Variants in SHC4 observed in about 807,000 individuals in gnomAD.
The protein encoded by SHC4 is SHC-transforming protein 4.
SHC4 carries 41 observed loss-of-function variants against 69.4 expected under a neutral mutation model. The ratio of observed to expected loss-of-function variants is 0.59; its 90% CI spans 0.46 to 0.77. The LOEUF is 0.77. SHC4 is among the 30% of genes least tolerant of loss of function. The pLI is 0.00. For synonymous variants in SHC4, 318 were observed against 299.3 expected, an observed-to-expected ratio of 1.06 and a Z score of -0.64; for missense variants, 777 against 783.8, an observed-to-expected ratio of 0.99 and a Z score of 0.10.
rs773143896 is a variant in SHC4, at chr15:48,843,408, C to T, written c.1483+1G>A. ...AATACAGACAGTGAGTAGCTACTTA[C>T]TTCCGCAGTGCCATGGGCTCCCCAG... is the stretch of plus-strand genomic sequence containing the variant. On this transcript the variant is annotated splice_donor_variant, in intron 10 of 11. Transcript: ENST00000332408. LOFTEE classifies it high-confidence loss of function. The T allele has an allele frequency of 6.2e-7, 1 of 1,605,834 alleles. No homozygotes were observed. The highest frequency in any genetic ancestry group is 2.2e-5 in the East Asian group (1 of 44,668).
chr15:48,859,384 G>A (rs1289225686), intron 6 of SHC4, among the ~76,000 whole-genome samples: 2 of 151,100 alleles, frequency 1.3e-5, no homozygotes, highest in African/African-American at 4.9e-5. Flanking sequence ...CAATGCTAAG[G>A]TATCAAATCT....
intron 4 of SHC4, chr15:48,880,113 G>A (rs1335305471): frequency 6.0e-6 from 1 of 167,094 alleles, no homozygotes; most frequent in Non-Finnish European, 1.5e-5. Flanking sequence ...ATCATGATCA[G>A]TAAAAATGTT....
chr15:48,893,023 A>G (rs1900163008), intron 2 of SHC4, among the ~76,000 whole-genome samples: 1 of 152,246 alleles, frequency 6.6e-6, no homozygotes, highest in African/African-American at 2.4e-5. Flanking sequence ...TTACTTTTAT[A>G]TAGCATCTTG....
chr15:48,876,307 T>G (rs553032060), intron 4 of SHC4, among the ~76,000 whole-genome samples: 74 of 152,200 alleles, frequency 4.9e-4, no homozygotes, highest in Non-Finnish European at 7.4e-5. Flanking sequence ...AGCAGAGATT[T>G]TGAAAGAGAC....
At chr15:48,838,929 T>C (rs1017347583) in intron 10 of SHC4, among the ~76,000 whole-genome samples, 1 of 151,824 alleles carries the variant, frequency 6.6e-6, no homozygotes, top group Non-Finnish European at 1.5e-5. Context: ...AGCCAATATT[T>C]AAAAAATATA....
chr15:48,844,536 T>G (rs1304431599), intron 9 of SHC4, among the ~76,000 whole-genome samples: 2 of 152,204 alleles, frequency 1.3e-5, no homozygotes, highest in African/African-American at 4.8e-5. Context: ...AGATATTAAC[T>G]TAAACATCTC....
intron 2 of SHC4, among the ~76,000 whole-genome samples, chr15:48,894,332 C>G (rs1900186600): frequency 6.6e-6 from 1 of 152,110 alleles, no homozygotes; most frequent in Admixed American, 6.5e-5. Flanking sequence ...ACAAGGTAAA[C>G]AATGTTATGT....
At chr15:48,928,992 C>G (rs1900906047) in intron 1 of SHC4, among the ~76,000 whole-genome samples, 1 of 152,160 alleles carries the variant, frequency 6.6e-6, no homozygotes, top group Admixed American at 6.5e-5. Context: ...AAACATGAGT[C>G]ATGGCCTGAG....
intron 9 of SHC4, among the ~76,000 whole-genome samples, chr15:48,848,173 G>A (rs182959619): frequency 2.0e-5 from 3 of 152,244 alleles, no homozygotes; most frequent in African/African-American, 7.2e-5. Flanking sequence ...ACTTGTCATG[G>A]CCACTGGGAC....
chr15:48,894,693 C>T (rs976963253), intron 2 of SHC4, among the ~76,000 whole-genome samples: 8 of 152,126 alleles, frequency 5.3e-5, no homozygotes, highest in African/African-American at 1.4e-4. Flanking sequence ...ATCTTGAGCA[C>T]GTTTAGTAAA....
intron 1 of SHC4, among the ~76,000 whole-genome samples, chr15:48,961,993 T>C (rs1266999679): frequency 1.3e-5 from 2 of 152,234 alleles, no homozygotes; most frequent in African/African-American, 4.8e-5. Context: ...TTACACACCA[T>C]GTGTTTCTAC....
intron 2 of SHC4, among the ~76,000 whole-genome samples, chr15:48,917,478 C>T (rs202244660): frequency 6.6e-6 from 1 of 152,244 alleles, no homozygotes; most frequent in East Asian, 1.9e-4. Context: ...ATTTTAAAGA[C>T]AACTGCGGCT....
chr15:48,903,501 C>T (rs1373021707), intron 2 of SHC4, among the ~76,000 whole-genome samples: 8 of 152,082 alleles, frequency 5.3e-5, no homozygotes, highest in Non-Finnish European at 1.0e-4. Flanking sequence ...AAAAACAAAA[C>T]AATTAAAACT....
intron 4 of SHC4, among the ~76,000 whole-genome samples, chr15:48,876,114 A>C (rs778107658): frequency 9.2e-5 from 14 of 152,220 alleles, no homozygotes; most frequent in Non-Finnish European, 1.3e-4. Flanking sequence ...TCAGTGACAC[A>C]GAATGGGTCA....
At chr15:48,912,432 A>C (rs1314118890) in intron 2 of SHC4, among the ~76,000 whole-genome samples, 3 of 152,128 alleles carry the variant, frequency 2.0e-5, no homozygotes, top group Non-Finnish European at 4.4e-5. Flanking sequence ...AGTTTCCTGA[A>C]TTTTTTATTG....
intron 4 of SHC4, chr15:48,878,132 C>G (rs1371651804): frequency 6.6e-7 from 1 of 1,511,478 alleles, no homozygotes; most frequent in Non-Finnish European, 8.9e-7. Context: ...CGCGCAGCAT[C>G]TGTCTTGCTG....
At chr15:48,859,156 T>C (rs1899387469) in intron 6 of SHC4, among the ~76,000 whole-genome samples, 1 of 152,224 alleles carries the variant, frequency 6.6e-6, no homozygotes, top group Non-Finnish European at 1.5e-5. Context: ...CTAACAGAAT[T>C]TGTAGAGCTG....
chr15:48,951,491 A>G (rs1021553402), intron 1 of SHC4, among the ~76,000 whole-genome samples: 2 of 152,108 alleles, frequency 1.3e-5, no homozygotes, highest in Non-Finnish European at 2.9e-5. Flanking sequence ...TTAAAAAAAA[A>G]TCCAGTGGCT....
At chr15:48,872,574 C>T (rs967335023) in intron 4 of SHC4, among the ~76,000 whole-genome samples, 2 of 152,196 alleles carry the variant, frequency 1.3e-5, no homozygotes, top group Non-Finnish European at 2.9e-5. Flanking sequence ...TGATGAAAAT[C>T]GGAACTGAGA....
Sources: allele counts gnomAD v4.1 joint callset (sites outside exome capture counted in the v4.1 genomes callset), GRCh38; gene constraint gnomAD v4.1.1; transcripts MANE v1.5; gene names NCBI Gene and HGNC (gene_info 2026-07-23, HGNC 2026-07-21).